The following ESR1 variants were observed in gnomAD, a reference collection of about 807,000 sequenced individuals.
ESR1 encodes estrogen receptor.
Under a neutral mutation model 52.7 loss-of-function variants are expected in ESR1, and 12 were observed. The observed-to-expected ratio is 0.23, with a 90% confidence interval of 0.15 to 0.37. The LOEUF is 0.37. ESR1 is among the 10% of genes least tolerant of loss of function. ESR1 has a pLI of 1.00. For missense variants in ESR1, 584 were observed against 779.7 expected, an observed-to-expected ratio of 0.75 and a Z score of 2.99; for synonymous variants, 305 against 316.8, an observed-to-expected ratio of 0.96 and a Z score of 0.39.
At chr6:151,727,763 G>T (rs1781951569) in intron 2 of ESR1, among the ~76,000 whole-genome samples, 1 of 152,098 alleles carries the variant, frequency 6.6e-6, no homozygotes, top group Admixed American at 6.6e-5. Context: ...CTGTTCTCGT[G>T]ATAGTGAATT....
chr6:151,882,707 T>G (rs1435973933), intron 3 of ESR1, among the ~76,000 whole-genome samples: 1 of 152,150 alleles, frequency 6.6e-6, no homozygotes, highest in Non-Finnish European at 1.5e-5. Flanking sequence ...CCAAAACAAT[T>G]TTTAAAATGT....
intron 4 of ESR1, among the ~76,000 whole-genome samples, chr6:151,964,861 C>T (rs2038094247): frequency 6.6e-6 from 1 of 152,086 alleles, no homozygotes; most frequent in Non-Finnish European, 1.5e-5. Flanking sequence ...CCAGGATGGT[C>T]TCGATCTCCT....
At chr6:151,671,185 T>C (rs568755312) in intron 1 of ESR1, among the ~76,000 whole-genome samples, 141 of 152,304 alleles carry the variant, frequency 9.3e-4, no homozygotes, top group African/African-American at 3.4e-3. Flanking sequence ...TCTGGGTGTA[T>C]ATATTCAATG....
At chr6:151,805,355 T>C (rs1217204387), upstream of ESR1, 4 of 152,240 alleles carry the variant, frequency 2.6e-5, no homozygotes, top group African/African-American at 9.6e-5. Flanking sequence ...CCATACACTT[T>C]TGACTGGCAT....
intron 2 of ESR1, among the ~76,000 whole-genome samples, chr6:151,714,354 G>T (rs968503145): frequency 6.6e-6 from 1 of 152,138 alleles, no homozygotes; most frequent in African/African-American, 2.4e-5. Flanking sequence ...TATTAGGTCT[G>T]CTTGGTCCAG....
At chr6:151,932,941 T>C (rs1349870497) in intron 3 of ESR1, among the ~76,000 whole-genome samples, 8 of 151,360 alleles carry the variant, frequency 5.3e-5, no homozygotes, top group Non-Finnish European at 1.2e-4. Flanking sequence ...ATGTGGGCTC[T>C]TTTTTGGTTC....
chr6:151,760,919 C>A (rs755621247), intron 2 of ESR1, among the ~76,000 whole-genome samples: 5 of 152,046 alleles, frequency 3.3e-5, no homozygotes, highest in Admixed American at 6.6e-5. Flanking sequence ...ATGATTGAGA[C>A]CTTTTTGGAA....
chr6:151,838,427 C>T (rs1308294827), intron 1 of ESR1, among the ~76,000 whole-genome samples: 4 of 152,158 alleles, frequency 2.6e-5, no homozygotes, highest in Admixed American at 1.3e-4. Flanking sequence ...CAGATTGGTG[C>T]CTGACCCACC....
At chr6:152,059,768 G>A (rs1448656933) in intron 5 of ESR1, among the ~76,000 whole-genome samples, 3 of 152,104 alleles carry the variant, frequency 2.0e-5, no homozygotes, top group African/African-American at 7.2e-5. Context: ...CATAAGGATA[G>A]TCATTGAATG....
At chr6:151,783,868 A>G (rs1452627647) in intron 2 of ESR1, among the ~76,000 whole-genome samples, 2 of 152,162 alleles carry the variant, frequency 1.3e-5, no homozygotes, top group African/African-American at 4.8e-5. Flanking sequence ...GTTTTTGATG[A>G]CCTTGACAGT....
At chr6:151,959,544 G>A (rs2037410726) in intron 4 of ESR1, among the ~76,000 whole-genome samples, 1 of 152,096 alleles carries the variant, frequency 6.6e-6, no homozygotes, top group Admixed American at 6.5e-5. Context: ...TGCAGTGGGA[G>A]GCTCCTACCT....
chr6:151,937,807 G>C (rs2034545053), intron 3 of ESR1, among the ~76,000 whole-genome samples: 1 of 152,128 alleles, frequency 6.6e-6, no homozygotes, highest in East Asian at 1.9e-4. Flanking sequence ...AGAGACTTTG[G>C]AGGCAGATAG....
chr6:151,837,898 G>A (rs917849579), intron 1 of ESR1, among the ~76,000 whole-genome samples: 7 of 152,146 alleles, frequency 4.6e-5, no homozygotes, highest in Non-Finnish European at 7.3e-5. Flanking sequence ...GATAGGGCTC[G>A]GTTAGGGTTT....
intron 1 of ESR1, among the ~76,000 whole-genome samples, chr6:151,817,942 A>C (rs1779942877): frequency 6.6e-6 from 1 of 152,172 alleles, no homozygotes; most frequent in East Asian, 1.9e-4. Context: ...GATTGCATAA[A>C]ATTTCCAGTT....
At chr6:151,880,622 A>T (rs1792743742) in intron 2 of ESR1, 33 bp from the exon 3 acceptor site, 1 of 1,293,516 alleles carries the variant, frequency 7.7e-7, no homozygotes, top group South Asian at 1.2e-5. Flanking sequence ...GTTTCCTGAA[A>T]TAATATTAAT....
intron 1 of ESR1, among the ~76,000 whole-genome samples, chr6:151,685,394 A>G (rs1211342713): frequency 6.6e-6 from 1 of 151,672 alleles, no homozygotes; most frequent in African/African-American, 2.4e-5. Context: ...CGGCCTCCCA[A>G]AGTGCTGGGA....
rs2050463719 is a variant in ESR1, at chr6:152,094,593, A to C, written c.1553+25A>C. The C allele has an allele frequency of 1.9e-6, 3 of 1,610,074 alleles. No homozygotes were observed. The highest frequency in any genetic ancestry group is 2.5e-6 in the Non-Finnish European group (3 of 1,178,526). ...GGTGAGGCATCTGTGGGCTTCCTAC[A>C]GGAGAGACATAAAGAAAACATGCCC... On this transcript the variant is annotated intron_variant, in intron 7 of 7. Coordinates refer to ENST00000206249, the MANE Select transcript of ESR1 (RefSeq NM_000125.4). The surrounding 1 kb of genome is among the most constrained non-coding windows in gnomAD (Gnocchi z 4.6).
intron 4 of ESR1, among the ~76,000 whole-genome samples, chr6:151,960,276 T>C (rs1471940312): frequency 1.3e-5 from 2 of 152,070 alleles, no homozygotes; most frequent in African/African-American, 4.8e-5. Flanking sequence ...AACATTCTAG[T>C]GGGGGAGACA....
intron 5 of ESR1, among the ~76,000 whole-genome samples, chr6:152,052,997 T>TC (rs2046808684): frequency 6.6e-6 from 1 of 152,170 alleles, no homozygotes; most frequent in Non-Finnish European, 1.5e-5. Flanking sequence ...TCCTGGAGGC[T>TC]CCAGGCTCAG....
Sources: gnomAD v4.1 joint callset for allele counts (sites outside exome capture counted in the v4.1 genomes callset) on GRCh38, gnomAD v4.1.1 for gene constraint, Gnocchi (gnomAD v3.1) non-coding constraint, MANE v1.5 for transcripts, NCBI Gene and HGNC (gene_info 2026-07-23, HGNC 2026-07-21) for gene names.